METTL21A: variants seen among roughly 807,000 people sequenced by gnomAD.
METTL21A encodes the protein protein N-lysine methyltransferase METTL21A.
In METTL21A, 22 loss-of-function variants were observed where a neutral mutation model predicts 20.9. The observed-to-expected ratio is 1.05, with a 90% CI of 0.75 to 1.50. METTL21A has a LOEUF of 1.50. Among genes scored for constraint, METTL21A ranks in the 40% most tolerant of loss-of-function variants. The pLI is 0.00. For synonymous variants in METTL21A, 93 were observed against 102.0 expected (o/e 0.91, Z 0.53); for missense variants, 271 against 266.8 (o/e 1.02, Z -0.11).
At chr2:207,602,741 TAAA>T (rs1039558877) in intron 3 of METTL21A, 1 of 211,202 alleles carries the variant, frequency 4.7e-6, no homozygotes, top group African/African-American at 2.3e-5. Flanking sequence ...GTGTATGTAA[TAAA>T]ATTATTTATA....
intron 3 of METTL21A, chr2:207,597,114 C>A: frequency 6.7e-7 from 1 of 1,498,142 alleles, no homozygotes; most frequent in Non-Finnish European, 8.9e-7. Context: ...TTGGCCACAA[C>A]CTGAAAGACA....
At chr2:207,582,714 T>C (rs1378063736) in intron 3 of METTL21A, among the ~76,000 whole-genome samples, 1 of 152,034 alleles carries the variant, frequency 6.6e-6, no homozygotes, top group Non-Finnish European at 1.5e-5. Context: ...GCCAATATGG[T>C]GAAACCCTCT....
chr2:207,613,017 A>G (rs765519201), exon 4 of METTL21A: 3 of 1,526,542 alleles, frequency 2.0e-6, no homozygotes, highest in Non-Finnish European at 2.6e-6. Flanking sequence ...GACACACTCA[A>G]TGACAACATT....
At chr2:207,607,648 T>G (rs2088314336), downstream of METTL21A, among the ~76,000 whole-genome samples, 1 of 150,264 alleles carries the variant, frequency 6.7e-6, no homozygotes, top group African/African-American at 2.5e-5. Context: ...AAAAACAGCA[T>G]TCTTTACAGT....
intron 3 of METTL21A, among the ~76,000 whole-genome samples, chr2:207,587,286 G>C (rs995396404): frequency 1.3e-5 from 2 of 151,714 alleles, no homozygotes; most frequent in African/African-American, 4.8e-5. Context: ...CCAGCTACTC[G>C]GGAGGCTGAG....
intron 3 of METTL21A, among the ~76,000 whole-genome samples, chr2:207,583,291 T>C (rs2083267942): frequency 6.6e-6 from 1 of 152,160 alleles, no homozygotes; most frequent in African/African-American, 2.4e-5. Context: ...TATACTTAAA[T>C]AGGAATACAC....
intron 3 of METTL21A, among the ~76,000 whole-genome samples, chr2:207,614,895 T>A (rs974403244): frequency 5.9e-5 from 9 of 152,234 alleles, no homozygotes; most frequent in African/African-American, 2.2e-4. Context: ...ATTTGCATCC[T>A]TCTTCAGTTT....
At chr2:207,621,705 C>A in intron 3 of METTL21A, 101 bp downstream of exon 3, 2 of 1,009,982 alleles carry the variant, frequency 2.0e-6, no homozygotes, top group African/African-American at 1.6e-5. Context: ...AAGATAATAA[C>A]CCAGTAAGGG....
intron 3 of METTL21A, chr2:207,596,851 G>T: frequency 6.4e-7 from 1 of 1,560,296 alleles, no homozygotes; most frequent in Non-Finnish European, 8.6e-7. Context: ...AAAAAAAAAG[G>T]TAATCCAAAA....
chr2:207,587,923 T>C (rs1167218850), intron 3 of METTL21A, among the ~76,000 whole-genome samples: 1 of 152,156 alleles, frequency 6.6e-6, no homozygotes, highest in Admixed American at 6.5e-5. Context: ...TTGTGTATTT[T>C]CACAAAGCTA....
chr2:207,595,396 C>CA (rs370083940), intron 3 of METTL21A, among the ~76,000 whole-genome samples: 92 of 152,118 alleles, frequency 6.0e-4, no homozygotes, highest in Middle Eastern at 3.4e-3. Context: ...CTGTTGAGTT[C>CA]AAAAGTTCTT....
chr2:207,620,672 G>C (rs2090378680), intron 3 of METTL21A: 2 of 1,535,484 alleles, frequency 1.3e-6, no homozygotes, highest in Admixed American at 2.0e-5. Flanking sequence ...GTACCAGCAA[G>C]GGCTTCATCG....
intron 3 of METTL21A, among the ~76,000 whole-genome samples, chr2:207,595,915 C>A (rs986060337): frequency 6.6e-6 from 1 of 152,158 alleles, no homozygotes; most frequent in Admixed American, 6.5e-5. Flanking sequence ...GCAGATATTT[C>A]TTCTCATTCT....
intron 3 of METTL21A, among the ~76,000 whole-genome samples, chr2:207,588,203 T>A (rs962523279): frequency 6.6e-6 from 1 of 152,248 alleles, no homozygotes; most frequent in African/African-American, 2.4e-5. Flanking sequence ...AATTCCCTCC[T>A]GAGTTTACTT....
downstream of METTL21A, chr2:207,581,580 A>G: frequency 3.7e-6 from 1 of 271,982 alleles, no homozygotes; most frequent in Admixed American, 5.2e-5. Context: ...TACTCAAACC[A>G]GTACAAAGGT....
chr2:207,587,687 C>A (rs558940637), intron 3 of METTL21A, among the ~76,000 whole-genome samples: 1 of 152,158 alleles, frequency 6.6e-6, no homozygotes, highest in Admixed American at 6.5e-5. Context: ...CAAAATAACT[C>A]AAACATGGAA....
chr2:207,591,734 C>G (rs1032898051), intron 3 of METTL21A, among the ~76,000 whole-genome samples: 4 of 152,010 alleles, frequency 2.6e-5, no homozygotes, highest in African/African-American at 9.7e-5. Context: ...TTCCCAGCCT[C>G]CTTTTGATTA....
intron 3 of METTL21A, among the ~76,000 whole-genome samples, chr2:207,582,638 C>G (rs968460381): frequency 1.1e-4 from 17 of 152,066 alleles, no homozygotes; most frequent in African/African-American, 4.1e-4. Flanking sequence ...CTTGTGTTTT[C>G]CCTTCCCTAG....
chr2:207,617,067 G>A (rs1238224188), intron 3 of METTL21A, among the ~76,000 whole-genome samples: 1 of 152,206 alleles, frequency 6.6e-6, no homozygotes, highest in Non-Finnish European at 1.5e-5. Flanking sequence ...GTTCAGAAAA[G>A]ACTAGTGGAG....
Sources: allele counts gnomAD v4.1 joint callset (sites outside exome capture counted in the v4.1 genomes callset), GRCh38; gene constraint gnomAD v4.1.1; transcripts MANE v1.5; gene names NCBI Gene and HGNC (gene_info 2026-07-23, HGNC 2026-07-21).